Variants in POLR3B observed in about 807,000 individuals in gnomAD.
The protein encoded by POLR3B is DNA-directed RNA polymerase III subunit RPC2.
Under a neutral mutation model 147.4 loss-of-function variants are expected in POLR3B, and 96 were observed. That is an observed-to-expected ratio of 0.65 (90% CI 0.55 to 0.77). The LOEUF is 0.77. Ranked by LOEUF, POLR3B falls within the 30% of genes least tolerant of loss-of-function variation. POLR3B has a pLI of 0.00. For synonymous variants in POLR3B, 461 were observed against 485.9 expected (o/e 0.95, Z 0.67); for missense variants, 1,036 against 1,413.5 (o/e 0.73, Z 4.28).
chr12:106,411,096 T>C (rs933289381), intron 12 of POLR3B, 136 bp downstream of exon 12: 3 of 732,914 alleles, frequency 4.1e-6, no homozygotes, highest in East Asian at 2.6e-5. Context: ...ACCTGACTTA[T>C]TATCTCCTAG....
At chr12:106,358,517 A>G (rs1592995470) in intron 1 of POLR3B, among the ~76,000 whole-genome samples, 1 of 152,198 alleles carries the variant, frequency 6.6e-6, no homozygotes, top group Non-Finnish European at 1.5e-5. Flanking sequence ...TCGGAAGTTA[A>G]GGACAGCTGC....
chr12:106,393,162 T>G lies in POLR3B; in HGVS notation c.846+9T>G. Reference sequence around the variant, plus strand: ...TTTTCACACAGATGCAGGTGTGTCTTTTCATGTTGTCCTTTGCTATGAAAT... The same window carrying G: ...TTTTCACACAGATGCAGGTGTGTCTGTTCATGTTGTCCTTTGCTATGAAAT... On this transcript the variant is annotated intron_variant, in intron 10 of 27. Coordinates refer to ENST00000228347, the MANE Select transcript of POLR3B (RefSeq NM_018082.6). 1 of 1,614,102 alleles carries G rather than the reference T, an allele frequency of 6.2e-7. No individual in the cohort carries two copies. Among genetic ancestry groups the G allele is most frequent in the Non-Finnish European group, 8.5e-7 (1 of 1,179,970 alleles).
chr12:106,420,552 C>T (rs2037361354), intron 12 of POLR3B, among the ~76,000 whole-genome samples: 1 of 152,144 alleles, frequency 6.6e-6, no homozygotes, highest in Non-Finnish European at 1.5e-5. Flanking sequence ...TGGACACTCC[C>T]TAGTGCCTTC....
At chr12:106,478,287 G>A (rs950092077) in intron 23 of POLR3B, among the ~76,000 whole-genome samples, 1 of 152,146 alleles carries the variant, frequency 6.6e-6, no homozygotes, top group Non-Finnish European at 1.5e-5. Flanking sequence ...AAAACGTCAG[G>A]AAGGTCTTTG....
rs374922405 is a variant in POLR3B at position 106,469,269 on chromosome 12, C to CTTT, written c.2713+5663_2713+5665dup. ...TCAGAGACCAGGATTGCAACCCCTGCTTTTTTTTTTTTTTTTGCTTTCCAT... is the reference window on the plus strand; with the variant it reads ...TCAGAGACCAGGATTGCAACCCCTGCTTTTTTTTTTTTTTTTTTTGCTTTCCAT... On this transcript the variant is annotated intron_variant, in intron 23 of 27. Coordinates refer to ENST00000228347, the MANE Select transcript of POLR3B (RefSeq NM_018082.6). Among the ~76,000 whole-genome samples the CTTT allele has an allele frequency of 6.6e-3, 845 of 128,376 alleles. 12 individuals carry two copies. Among genetic ancestry groups the CTTT allele is most frequent in the African/African-American group, 0.018 (610 of 33,472 alleles). The allele number at this position is 128,376 out of a possible 152,430, so 84.2% of individuals were successfully genotyped here. A position where few individuals can be genotyped will look rare whatever the true frequency, so the allele number is the denominator to read the frequency against.
At chr12:106,444,410 A>T in intron 18 of POLR3B, 53 bp from the exon 19 acceptor site, 1 of 1,594,424 alleles carries the variant, frequency 6.3e-7, no homozygotes, top group Middle Eastern at 1.7e-4. Context: ...TTTAAAAGAC[A>T]TTTATTTTTG....
intron 23 of POLR3B, among the ~76,000 whole-genome samples, chr12:106,481,485 C>T (rs2038267620): frequency 6.6e-6 from 1 of 152,214 alleles, no homozygotes. Flanking sequence ...GTCTTCTGAG[C>T]CTTCCCAGGA....
intron 1 of POLR3B, chr12:106,358,261 G>A (rs1310123172): frequency 2.3e-6 from 3 of 1,326,936 alleles, no homozygotes; most frequent in African/African-American, 3.0e-5. Flanking sequence ...CTTACTGTGG[G>A]GGACGTATTG....
At chr12:106,396,957 G>GTTGTTA (rs1555210703) in intron 10 of POLR3B, among the ~76,000 whole-genome samples, 3 of 151,708 alleles carry the variant, frequency 2.0e-5, no homozygotes, top group African/African-American at 7.3e-5. Flanking sequence ...TGTTGTTGTT[G>GTTGTTA]TTGTCGTTGT....
At chr12:106,405,586 A>G (rs1426566581) in intron 10 of POLR3B, among the ~76,000 whole-genome samples, 1 of 151,438 alleles carries the variant, frequency 6.6e-6, no homozygotes, top group Non-Finnish European at 1.5e-5. Context: ...ACACAAATAT[A>G]TTTTACTTGT....
chr12:106,480,051 C>A (rs2038245087), intron 23 of POLR3B, among the ~76,000 whole-genome samples: 1 of 150,198 alleles, frequency 6.7e-6, no homozygotes, highest in Admixed American at 6.7e-5. Context: ...CTAGGTATTG[C>A]CATATTACCC....
chr12:106,438,854 A>G (rs1437897531), intron 18 of POLR3B, among the ~76,000 whole-genome samples: 1 of 152,260 alleles, frequency 6.6e-6, no homozygotes, highest in Non-Finnish European at 1.5e-5. Context: ...GTTTATGTGC[A>G]GTATGCACTT....
chr12:106,432,520 G>A, intron 15 of POLR3B, 40 bp downstream of exon 15: 1 of 1,487,558 alleles, frequency 6.7e-7, no homozygotes, highest in Non-Finnish European at 9.4e-7. Flanking sequence ...TAGATAGTCT[G>A]TGAAGAGGGG....
intron 10 of POLR3B, among the ~76,000 whole-genome samples, chr12:106,397,302 T>G (rs11112973): frequency 0.059 from 8,940 of 152,272 alleles, 356 homozygotes; most frequent in East Asian, 0.14. Flanking sequence ...CTTGGTTATT[T>G]TAAGTAAATT....
chr12:106,375,343 C>T (rs1314567828), intron 6 of POLR3B, among the ~76,000 whole-genome samples: 1 of 152,066 alleles, frequency 6.6e-6, no homozygotes, highest in African/African-American at 2.4e-5. Flanking sequence ...CAGATGTTAC[C>T]GTGAGGATTT....
chr12:106,431,842 A>G (rs537941015), intron 14 of POLR3B, among the ~76,000 whole-genome samples: 36 of 152,230 alleles, frequency 2.4e-4, no homozygotes, highest in Non-Finnish European at 4.9e-4. Flanking sequence ...GTCTTTATTT[A>G]CCTTTCGTGA....
intron 10 of POLR3B, among the ~76,000 whole-genome samples, chr12:106,398,877 T>C (rs1380042259): frequency 2.6e-5 from 4 of 151,914 alleles, no homozygotes; most frequent in Non-Finnish European, 5.9e-5. Context: ...ACCACAAAGA[T>C]GGGGAAAAAA....
chr12:106,444,739 A>G (rs144196158), intron 19 of POLR3B, 149 bp downstream of exon 19: 4 of 808,412 alleles, frequency 4.9e-6, no homozygotes, highest in African/African-American at 3.4e-5. Flanking sequence ...GGAGTTGCCT[A>G]TGGAACTCTG....
intron 12 of POLR3B, among the ~76,000 whole-genome samples, chr12:106,421,497 G>T (rs1452668088): frequency 6.6e-6 from 1 of 152,012 alleles, no homozygotes; most frequent in African/African-American, 2.4e-5. Flanking sequence ...GTCTTAATTT[G>T]CATTTTCTAT....
Sources: gnomAD v4.1 joint callset for allele counts (sites outside exome capture counted in the v4.1 genomes callset) on GRCh38, gnomAD v4.1.1 for gene constraint, MANE v1.5 for transcripts, NCBI Gene and HGNC (gene_info 2026-07-23, HGNC 2026-07-21) for gene names.